SLC24A2: variants seen among roughly 807,000 people sequenced by gnomAD.
The protein encoded by SLC24A2 is sodium/potassium/calcium exchanger 2.
A neutral mutation model predicts 62.0 loss-of-function variants in SLC24A2; 36 were observed. That is an observed-to-expected ratio of 0.58 (90% CI 0.44 to 0.77). The LOEUF (loss-of-function observed/expected upper bound fraction) is 0.77. SLC24A2 is among the 30% of genes least tolerant of loss of function. The probability of loss-of-function intolerance (pLI) is 0.00; values close to 1 mark genes in which losing one functional copy is unlikely to be tolerated. For missense variants in SLC24A2, 846 were observed against 817.9 expected (o/e 1.03, Z -0.42); for synonymous variants, 358 against 294.0 (o/e 1.22, Z -2.23).
At chr9:19,530,237 C>A (rs1446524279) in intron 8 of SLC24A2, among the ~76,000 whole-genome samples, 1 of 152,078 alleles carries the variant, frequency 6.6e-6, no homozygotes, top group Non-Finnish European at 1.5e-5. Context: ...ATCCTACGTG[C>A]AATGAGGGTT....
intron 2 of SLC24A2, among the ~76,000 whole-genome samples, chr9:19,653,025 A>C (rs1818845098): frequency 6.6e-6 from 1 of 152,124 alleles, no homozygotes; most frequent in Non-Finnish European, 1.5e-5. Flanking sequence ...GCTTTGGTTT[A>C]CCCACAGTGT....
chr9:19,518,291 A>G (rs949898363), intron 10 of SLC24A2, among the ~76,000 whole-genome samples: 3 of 152,224 alleles, frequency 2.0e-5, no homozygotes, highest in African/African-American at 7.2e-5. Context: ...TTCTAAGCTA[A>G]AGATGAAAGA....
chr9:19,997,830 G>A, the SLC24A2 span, among the ~76,000 whole-genome samples: 1 of 152,146 alleles, frequency 6.6e-6, no homozygotes, highest in Non-Finnish European at 1.5e-5. Context: ...TAATTTGCCT[G>A]TGTCCCTCAC....
the SLC24A2 span, among the ~76,000 whole-genome samples, chr9:19,880,481 C>T: frequency 1.3e-5 from 2 of 152,136 alleles, no homozygotes. Flanking sequence ...GGAAGTGGGG[C>T]TGCTTTTTCT....
At chr9:20,278,048 G>T in the SLC24A2 span, among the ~76,000 whole-genome samples, 1 of 151,962 alleles carries the variant, frequency 6.6e-6, no homozygotes, top group African/African-American at 2.4e-5. Context: ...AGAACACTTG[G>T]ACACAGGGTG....
Position 19,511,344 on chromosome 9 carries a change from C to T in SLC24A2, c.*4809G>A, listed in dbSNP as rs1018591775. ...ACAGTAAATAGAAGGTGGAATAGGG[C>T]AGGGTTACTTTTCTTACCCAAGGTC... On this transcript the variant is annotated 3_prime_UTR_variant, in exon 11 of 11. Transcript: ENST00000341998. The T allele has an allele frequency of 7.2e-5, 11 of 152,042 alleles. No homozygotes were observed. Among genetic ancestry groups the T allele is most frequent in the African/African-American group, 2.4e-4 (10 of 41,402 alleles). The allele number at this position is 152,042 out of a possible 1,614,324, so 9.4% of individuals were successfully genotyped here. A position where few individuals can be genotyped will look rare whatever the true frequency, so the allele number is the denominator to read the frequency against.
At chr9:20,141,533 C>T in the SLC24A2 span, among the ~76,000 whole-genome samples, 1 of 152,014 alleles carries the variant, frequency 6.6e-6, no homozygotes, top group Non-Finnish European at 1.5e-5. Flanking sequence ...CGGTATGTCA[C>T]AGCCTAACAT....
rs779968925 is a variant in SLC24A2, at chr9:19,573,421, G to A, written c.1277C>T (p.Pro426Leu). The A allele has an allele frequency of 7.4e-6, 12 of 1,610,816 alleles. 1 individual carries two copies. The South Asian group carries it at 9.9e-5, about 13-fold the overall frequency. The change falls in exon 7 of 11, where the codon CCA becomes CTA. Residue 426 changes from proline (P) to leucine (L), a missense_variant. Pro to Leu is a moderately conservative substitution (Grantham distance 98). Transcript: ENST00000341998. The stretch of plus-strand genomic sequence containing the variant: ...TACAGGTTCTGAAGCATCACTGGAT[G>A]GTGTCATTTCAACATCTGTGCTGGT... ...NSTSTDVEMTPSSDASEPVQN... is the reference protein window; with the variant it reads ...NSTSTDVEMTLSSDASEPVQN...
At chr9:20,269,849 AC>A in the SLC24A2 span, among the ~76,000 whole-genome samples, 1 of 152,132 alleles carries the variant, frequency 6.6e-6, no homozygotes, top group Non-Finnish European at 1.5e-5. Flanking sequence ...TCTTGTTGAT[AC>A]CTGGTCTTAG....
chr9:20,128,501 G>A, the SLC24A2 span, among the ~76,000 whole-genome samples: 1 of 151,998 alleles, frequency 6.6e-6, no homozygotes, highest in Non-Finnish European at 1.5e-5. Flanking sequence ...TAACTATTGG[G>A]CTGCATTACT....
Position 19,755,236 on chromosome 9 carries a change from G to A in SLC24A2, c.930+30701C>T, listed in dbSNP as rs1822104957. On this transcript the variant is annotated intron_variant, in intron 2 of 10. Transcript: ENST00000341998. ...ATAATACATGTAGAATCCTTGCCAA[G>A]TACTTGGTCCCTAGTAGGAATTCAA... Among the ~76,000 whole-genome samples, 3 of 152,156 alleles carry A rather than the reference G, an allele frequency of 2.0e-5. No individual in the cohort carries two copies. In the South Asian group the frequency reaches 6.2e-4, roughly 32 times the overall value.
the SLC24A2 span, among the ~76,000 whole-genome samples, chr9:19,987,905 C>T: frequency 2.0e-5 from 3 of 152,182 alleles, no homozygotes; most frequent in Admixed American, 6.6e-5. Flanking sequence ...TGTTACCACT[C>T]CTCATCTTGT....
intron 2 of SLC24A2, among the ~76,000 whole-genome samples, chr9:19,703,274 G>C (rs931369497): frequency 1.3e-5 from 2 of 152,172 alleles, no homozygotes; most frequent in Non-Finnish European, 2.9e-5. Flanking sequence ...GGCTCAGAGA[G>C]ATTACATGAC....
rs1469203220 is a variant in SLC24A2, at chr9:19,628,140, T to C, written c.931-5841A>G. On this transcript the variant is annotated intron_variant, in intron 2 of 10. Transcript: ENST00000341998. ...ACAGGATTCACCTCTTTGCCTTCCATGGTCCTTAACTGTGGCTACTTAAAA... is the reference window on the plus strand; with the variant it reads ...ACAGGATTCACCTCTTTGCCTTCCACGGTCCTTAACTGTGGCTACTTAAAA... Among the ~76,000 whole-genome samples, 4 of 152,160 alleles carry C rather than the reference T, an allele frequency of 2.6e-5. No individual in the cohort carries two copies. The South Asian group carries it at 6.2e-4, about 24-fold the overall frequency.
At chr9:20,166,890 A>G in the SLC24A2 span, among the ~76,000 whole-genome samples, 2 of 152,124 alleles carry the variant, frequency 1.3e-5, no homozygotes. Context: ...TACCCAGGCT[A>G]GAACACAGTG....
the SLC24A2 span, among the ~76,000 whole-genome samples, chr9:20,079,554 GAACAGGACATTT>G: frequency 6.6e-6 from 1 of 152,096 alleles, no homozygotes; most frequent in Non-Finnish European, 1.5e-5. Context: ...CTCCTCCCTG[GAACAGGACATTT>G]AGTTTGTTTC....
the SLC24A2 span, among the ~76,000 whole-genome samples, chr9:20,219,565 T>C: frequency 6.6e-6 from 1 of 152,176 alleles, no homozygotes; most frequent in Non-Finnish European, 1.5e-5. Flanking sequence ...TGTTAAGCTA[T>C]TCTTAATAGT....
intron 2 of SLC24A2, among the ~76,000 whole-genome samples, chr9:19,736,868 T>C (rs780430757): frequency 2.0e-5 from 3 of 152,026 alleles, no homozygotes; most frequent in Admixed American, 6.6e-5. Flanking sequence ...AATAATCTTA[T>C]ACCATGCAAG....
At chr9:19,914,491 C>T in the SLC24A2 span, among the ~76,000 whole-genome samples, 1 of 152,112 alleles carries the variant, frequency 6.6e-6, no homozygotes, top group African/African-American at 2.4e-5. Flanking sequence ...TGAGTTTGCT[C>T]ATTTTTAATA....
Sources: gnomAD v4.1 joint callset for allele counts (sites outside exome capture counted in the v4.1 genomes callset) on GRCh38, gnomAD v4.1.1 for gene constraint, MANE v1.5 for transcripts, NCBI Gene and HGNC (gene_info 2026-07-23, HGNC 2026-07-21) for gene names.